TRAPPC13: variants seen among roughly 807,000 people sequenced by gnomAD.
TRAPPC13 encodes the protein REV7-interacting novel NHEJ regulator 1.
Under a neutral mutation model 54.0 loss-of-function variants are expected in TRAPPC13, and 39 were observed. The ratio of observed to expected loss-of-function variants is 0.72; its 90% CI spans 0.56 to 0.94. TRAPPC13 has a LOEUF of 0.94. Ranked by LOEUF, TRAPPC13 falls within the 40% of genes least tolerant of loss-of-function variation. The probability of loss-of-function intolerance (pLI) is 0.00; values close to 1 mark genes in which losing one functional copy is unlikely to be tolerated. For missense variants in TRAPPC13, 386 were observed against 488.1 expected (o/e 0.79, Z 1.97); for synonymous variants, 148 against 167.7 (o/e 0.88, Z 0.91).
At chr5:65,632,797 A>G (rs1306116279) in intron 1 of TRAPPC13, among the ~76,000 whole-genome samples, 1 of 152,222 alleles carries the variant, frequency 6.6e-6, no homozygotes, top group African/African-American at 2.4e-5. Context: ...TAAGGGTAGC[A>G]TTTGTTGACT....
chr5:65,654,390 C>A lies in TRAPPC13; in HGVS notation c.547-1246C>A, dbSNP rs186180962. Reference sequence around the variant, plus strand: ...TGACATAATCTTTAAATCTTGCTAACAAACTTCAATCAAAATAATTTCAGT... The same window carrying A: ...TGACATAATCTTTAAATCTTGCTAAAAAACTTCAATCAAAATAATTTCAGT... On this transcript the variant is annotated intron_variant, in intron 7 of 12. Coordinates refer to ENST00000399438, the MANE Select transcript of TRAPPC13 (RefSeq NM_024941.4). Among the ~76,000 whole-genome samples the A allele has an allele frequency of 9.4e-3, 1,430 of 151,958 alleles. 24 individuals carry two copies. Among genetic ancestry groups the A allele is most frequent in the African/African-American group, 0.033 (1,370 of 41,548 alleles).
intron 4 of TRAPPC13, among the ~76,000 whole-genome samples, chr5:65,646,256 G>C (rs958597268): frequency 1.3e-5 from 2 of 152,158 alleles, no homozygotes; most frequent in African/African-American, 4.8e-5. Context: ...AGCATCATCG[G>C]GTGGAGGGAA....
chr5:65,645,835 A>T (rs770292444), intron 4 of TRAPPC13, among the ~76,000 whole-genome samples: 1 of 152,188 alleles, frequency 6.6e-6, no homozygotes, highest in Admixed American at 6.5e-5. Flanking sequence ...ACTGTTTTAT[A>T]AAAGAAACAA....
intron 10 of TRAPPC13, 57 bp downstream of exon 10, chr5:65,660,954 A>G (rs957313364): frequency 7.0e-7 from 1 of 1,432,818 alleles, no homozygotes; most frequent in African/African-American, 1.4e-5. Flanking sequence ...GGTAGTTAGA[A>G]CAACTTAATT....
chr5:65,638,656 A>G (rs1361979972), intron 4 of TRAPPC13, among the ~76,000 whole-genome samples: 1 of 152,212 alleles, frequency 6.6e-6, no homozygotes, highest in Non-Finnish European at 1.5e-5. Flanking sequence ...CCAAAGAAAG[A>G]GGTTTAATGG....
chr5:65,625,328 A>T, intron 1 of TRAPPC13: 2 of 571,010 alleles, frequency 3.5e-6, no homozygotes, highest in Non-Finnish European at 6.2e-6. Flanking sequence ...GTTCTTTCTG[A>T]TCTGTGCTGC....
Position 65,661,027 on chromosome 5 carries a change from A to G in TRAPPC13, c.897+130A>G, listed in dbSNP as rs937340376. The G allele has an allele frequency of 4.3e-6, 3 of 693,372 alleles. No homozygotes were observed. In the African/African-American group the frequency reaches 5.5e-5, roughly 13 times the overall value. The allele number at this position is 693,372 out of a possible 1,614,324, so 43.0% of individuals were successfully genotyped here. A position where few individuals can be genotyped will look rare whatever the true frequency, so the allele number is the denominator to read the frequency against. ...AAAGGCATTACTACTACTGGAGCAG[A>G]AAAGATTAATAGTGTCACTGATAGG... is the stretch of plus-strand genomic sequence containing the variant. On this transcript the variant is annotated intron_variant, in intron 10 of 12. Transcript: ENST00000399438.
intron 3 of TRAPPC13, among the ~76,000 whole-genome samples, chr5:65,636,553 C>G (rs535534316): frequency 2.6e-5 from 4 of 151,936 alleles, no homozygotes; most frequent in South Asian, 4.2e-4. Context: ...AATAGTGGTT[C>G]CTAGCATAAT....
intron 4 of TRAPPC13, among the ~76,000 whole-genome samples, chr5:65,641,848 G>A (rs142723019): frequency 1.9e-4 from 29 of 151,130 alleles, no homozygotes; most frequent in African/African-American, 7.0e-4. Context: ...TTTAAAATGG[G>A]GAAGCTCCCT....
chr5:65,645,874 A>G (rs1434460241), intron 4 of TRAPPC13, among the ~76,000 whole-genome samples: 1 of 152,198 alleles, frequency 6.6e-6, no homozygotes, highest in Non-Finnish European at 1.5e-5. Context: ...ACTCTCATGT[A>G]AAAACCTCCA....
At chr5:65,627,008 T>G (rs1755266147) in intron 1 of TRAPPC13, among the ~76,000 whole-genome samples, 1 of 150,836 alleles carries the variant, frequency 6.6e-6, no homozygotes, top group Non-Finnish European at 1.5e-5. Flanking sequence ...GGTGTGGTGG[T>G]GTAATCCCAG....
In TRAPPC13 at chr5:65,660,776, A is replaced by G. The variant is rs762409698; in HGVS notation, c.776A>G (p.Asn259Ser). 8 of 1,613,666 alleles carry G rather than the reference A, an allele frequency of 5.0e-6. No homozygotes were observed. In the African/African-American group the frequency reaches 1.1e-4, roughly 22 times the overall value. ...RQYLYCLKPK[N>S]EFAEKAGIIK... is the part of the protein sequence containing the mutation. ...TACTTATACTGCCTAAAGCCAAAGA[A>G]TGAATTTGCAGAAAAAGCAGGCATC... The change falls in exon 10 of 13, where the codon AAT (asparagine) becomes AGT (serine). Residue 259 changes from asparagine to serine, a missense_variant. Coordinates refer to ENST00000399438, the MANE Select transcript of TRAPPC13 (RefSeq NM_024941.4).
intron 9 of TRAPPC13, among the ~76,000 whole-genome samples, 153 bp from the exon 10 acceptor site, chr5:65,660,544 TTC>T (rs1340840637): frequency 1.3e-5 from 2 of 152,210 alleles, no homozygotes; most frequent in Non-Finnish European, 2.9e-5. Flanking sequence ...GCAGTATACG[TTC>T]TTTTTATTTG....
At chr5:65,629,365 A>T in intron 1 of TRAPPC13, 1 of 811,978 alleles carries the variant, frequency 1.2e-6, no homozygotes, top group Non-Finnish European at 1.7e-6. Context: ...GTAAAATACC[A>T]CATTGGGATT....
chr5:65,637,844 C>A, intron 4 of TRAPPC13, 64 bp downstream of exon 4: 1 of 850,806 alleles, frequency 1.2e-6, no homozygotes, highest in Non-Finnish European at 1.8e-6. Flanking sequence ...TTAGGCCGGG[C>A]ATGGTGGCTC....
At position 65,637,750 on chromosome 5, in the gene TRAPPC13, C is replaced by A; in HGVS notation, c.270C>A (p.Ser90Arg). Residue 90 changes from serine (S) to arginine (R), a missense_variant, in exon 4 of 13, where the codon AGC becomes AGA. By Grantham distance (110) the Ser-to-Arg change is moderately radical. Transcript: ENST00000399438. ...GTTATATCAGCGTTCATAATGATAG[C>A]AATCAAGTTGTAAAAGACATATTAG... ...FSSYISVHNDSNQVVKDILVK... is the reference protein window; with the variant it reads ...FSSYISVHNDRNQVVKDILVK... 6.4e-7 allele frequency: 1 copy of A among 1,573,902 alleles called. No individual in the cohort carries two copies. Among genetic ancestry groups the A allele is most frequent in the Non-Finnish European group, 8.6e-7 (1 of 1,156,698 alleles).
chr5:65,651,850 T>TG (rs1420385565), intron 6 of TRAPPC13, among the ~76,000 whole-genome samples: 21 of 24,628 alleles, frequency 8.5e-4, no homozygotes, highest in African/African-American at 4.1e-3. Context: ...CAGTTTTTTT[T>TG]TTTTTTTTTT....
In TRAPPC13 at chr5:65,632,559, G is replaced by A. The variant is rs541172182; in HGVS notation, c.47-2742G>A. On this transcript the variant is annotated intron_variant, in intron 1 of 12. Transcript: ENST00000399438. ...TTTTTCAACAGAGTGAAATCACCAG[G>A]GTTCAAATCTAGATTCTACCACTTA... 4.6e-5 allele frequency among the ~76,000 whole-genome samples: 7 copies of A among 152,096 alleles called. No homozygotes were observed. The East Asian group carries it at 9.7e-4, about 21-fold the overall frequency.
At chr5:65,642,238 G>T (rs911039286) in intron 4 of TRAPPC13, among the ~76,000 whole-genome samples, 1 of 151,970 alleles carries the variant, frequency 6.6e-6, no homozygotes, top group African/African-American at 2.4e-5. Flanking sequence ...CAGGAGAATC[G>T]CTTGAACTTA....
Sources: allele counts gnomAD v4.1 joint callset (sites outside exome capture counted in the v4.1 genomes callset), GRCh38; gene constraint gnomAD v4.1.1; transcripts MANE v1.5; gene names NCBI Gene and HGNC (gene_info 2026-07-23, HGNC 2026-07-21).